The following PBX1 variants were observed in gnomAD, a reference collection of about 807,000 sequenced individuals.
The protein encoded by PBX1 is pre-B-cell leukemia transcription factor 1.
A neutral mutation model predicts 53.4 loss-of-function variants in PBX1; 6 were observed. That is an observed-to-expected ratio of 0.11 (90% CI 0.06 to 0.22). The LOEUF (loss-of-function observed/expected upper bound fraction) is 0.22, where lower values mean the gene tolerates loss of function less well. Among genes scored for constraint, PBX1 ranks in the 10% least tolerant of loss-of-function variants. The pLI, the probability that PBX1 is intolerant of heterozygous loss-of-function variation, is 1.00. For synonymous variants in PBX1, 204 were observed against 212.3 expected (o/e 0.96, Z 0.34); for missense variants, 251 against 551.4 (o/e 0.46, Z 5.46).
At position 164,846,667 on chromosome 1, in the gene PBX1, C is replaced by T; in HGVS notation, c.1284C>T (p.Thr428=). 6.2e-7 allele frequency: 1 copy of T among 1,613,980 alleles called. No homozygotes were observed. The highest frequency in any genetic ancestry group is 2.2e-5 in the East Asian group (1 of 44,862). ...TEGPGSVHSD[T]SN ...GCCCTGGCAGTGTTCACTCTGATAC[C>T]TCCAACTGATCTCCCAGCAATCGCA... Residue 428 remains threonine (T), a synonymous_variant, in exon 9 of 9, where the codon ACC becomes ACT. Coordinates refer to ENST00000420696, the MANE Select transcript of PBX1 (RefSeq NM_002585.4).
At chr1:164,867,668 AT>A (rs1370289664) in intron 2 of PBX1, among the ~76,000 whole-genome samples, 1 of 152,226 alleles carries the variant, frequency 6.6e-6, no homozygotes, top group Admixed American at 6.5e-5. Flanking sequence ...AAACCCCAGA[AT>A]CAGCCAGATA....
At chr1:164,740,723 T>C (rs1015226365) in intron 2 of PBX1, among the ~76,000 whole-genome samples, 2 of 152,226 alleles carry the variant, frequency 1.3e-5, no homozygotes, top group African/African-American at 4.8e-5. Context: ...ATAGACATTA[T>C]CTTCGCTCTC....
chr1:164,783,832 A>G (rs780877100), intron 2 of PBX1, among the ~76,000 whole-genome samples: 2 of 152,158 alleles, frequency 1.3e-5, no homozygotes, highest in Non-Finnish European at 2.9e-5. Flanking sequence ...TCTATCATGT[A>G]TTAGCTCTTG....
chr1:164,652,469 A>G (rs756871075), intron 2 of PBX1, among the ~76,000 whole-genome samples: 4 of 152,090 alleles, frequency 2.6e-5, no homozygotes, highest in Non-Finnish European at 5.9e-5. Context: ...GTTGGAGATG[A>G]CCATTAATAG....
downstream of PBX1, among the ~76,000 whole-genome samples, chr1:164,855,934 C>T (rs964072408): frequency 2.6e-5 from 4 of 152,186 alleles, no homozygotes; most frequent in Non-Finnish European, 4.4e-5. Context: ...TCACTTGAGG[C>T]TCCCGCCTCC....
chr1:164,773,241 G>GCACACACACACACACACACACACA (rs746140319), intron 2 of PBX1, among the ~76,000 whole-genome samples: 35 of 135,294 alleles, frequency 2.6e-4, no homozygotes, highest in African/African-American at 7.3e-4. Flanking sequence ...TAGGTAACAC[G>GCACACACACACACACACACACACA]CGCACACACA....
intron 2 of PBX1, among the ~76,000 whole-genome samples, chr1:164,878,245 A>C (rs186634249): frequency 1.1e-4 from 17 of 152,322 alleles, no homozygotes; most frequent in African/African-American, 4.1e-4. Context: ...TTATAGGGTT[A>C]CTGTGAGGAT....
At chr1:164,643,560 G>A (rs1041746426) in intron 2 of PBX1, among the ~76,000 whole-genome samples, 1 of 152,164 alleles carries the variant, frequency 6.6e-6, no homozygotes, top group South Asian at 2.1e-4. Flanking sequence ...CAAGTTATTT[G>A]TTACCATGTC....
intron 4 of PBX1, 104 bp downstream of exon 4, chr1:164,799,993 G>A: frequency 9.7e-7 from 1 of 1,036,230 alleles, no homozygotes; most frequent in Non-Finnish European, 1.4e-6. Context: ...CCCCATCAAC[G>A]CTGAACCAAG....
chr1:164,685,699 CAG>C (rs1453915853), intron 2 of PBX1, among the ~76,000 whole-genome samples: 5 of 152,172 alleles, frequency 3.3e-5, no homozygotes, highest in African/African-American at 1.2e-4. Flanking sequence ...ATTATTGAAA[CAG>C]AGGGTAGGCA....
chr1:164,841,965 A>G (rs1671319849), intron 8 of PBX1, among the ~76,000 whole-genome samples: 1 of 152,142 alleles, frequency 6.6e-6, no homozygotes, highest in Non-Finnish European at 1.5e-5. Context: ...GTGGCACCTC[A>G]GCGTATTTCT....
At chr1:164,605,124 G>A (rs1656464063) in intron 2 of PBX1, 1 of 152,018 alleles carries the variant, frequency 6.6e-6, no homozygotes, top group East Asian at 1.9e-4. Flanking sequence ...GAGTATCCTG[G>A]GAATGTTTAG....
intron 2 of PBX1, among the ~76,000 whole-genome samples, chr1:164,731,312 CA>C (rs57637058): frequency 0.027 from 3,200 of 118,134 alleles, 109 homozygotes; most frequent in African/African-American, 0.086. Context: ...TTTCATCAGC[CA>C]AAAAAAAAAA....
chr1:164,667,432 G>T (rs74482117), intron 2 of PBX1, among the ~76,000 whole-genome samples: 2 of 149,772 alleles, frequency 1.3e-5, no homozygotes, highest in East Asian at 3.9e-4. Context: ...GTGTGTGTGT[G>T]TATATATGTA....
chr1:164,858,523 A>G (rs941078405), intron 2 of PBX1, among the ~76,000 whole-genome samples: 2 of 152,046 alleles, frequency 1.3e-5, no homozygotes, highest in Non-Finnish European at 2.9e-5. Context: ...CACAACTCTC[A>G]TAAGAGCCAT....
At chr1:164,634,751 T>C (rs2101886963) in intron 2 of PBX1, among the ~76,000 whole-genome samples, 1 of 152,302 alleles carries the variant, frequency 6.6e-6, no homozygotes, top group South Asian at 2.1e-4. Context: ...TTGGGGTCTT[T>C]GTTGTAGGGA....
intron 1 of PBX1, chr1:164,562,982 C>T (rs931586266): frequency 4.3e-6 from 1 of 232,904 alleles, no homozygotes; most frequent in East Asian, 8.2e-5. Flanking sequence ...AAAAAAAAAC[C>T]CTTTCCCTAA....
chr1:164,817,222 G>A (rs575433067), intron 6 of PBX1: 2 of 152,300 alleles, frequency 1.3e-5, no homozygotes, highest in East Asian at 3.9e-4. Context: ...AGCAAGCCAA[G>A]TCTTTCTGTT....
chr1:164,814,745 CA>C, intron 6 of PBX1: 1 of 154,720 alleles, frequency 6.5e-6, no homozygotes, highest in Non-Finnish European at 1.4e-5. Flanking sequence ...ACTCCAAAAA[CA>C]AAACAAACAA....
Sources: gnomAD v4.1 joint callset for allele counts (sites outside exome capture counted in the v4.1 genomes callset) on GRCh38, gnomAD v4.1.1 for gene constraint, MANE v1.5 for transcripts, NCBI Gene and HGNC (gene_info 2026-07-23, HGNC 2026-07-21) for gene names.